Variants in GSAP observed in about 807,000 individuals in gnomAD.
The protein encoded by GSAP is gamma-secretase-activating protein.
In GSAP, 118 loss-of-function variants were observed where a neutral mutation model predicts 131.7. That is an observed-to-expected ratio of 0.90 (90% confidence interval 0.77 to 1.04). The LOEUF is 1.04. Among genes scored for constraint, GSAP ranks in the 50% least tolerant of loss-of-function variants. GSAP has a pLI of 0.00. For missense variants in GSAP, 1,019 were observed against 1,013.2 expected (o/e 1.01, Z -0.08); for synonymous variants, 381 against 363.4 (o/e 1.05, Z -0.55).
intron 1 of GSAP, among the ~76,000 whole-genome samples, chr7:77,413,890 T>C (rs956490414): frequency 6.6e-6 from 1 of 151,954 alleles, no homozygotes; most frequent in Non-Finnish European, 1.5e-5. Context: ...TACAGCTACC[T>C]GTTAAAATAT....
intron 5 of GSAP, among the ~76,000 whole-genome samples, chr7:77,393,863 AG>A (rs1799958644): frequency 6.6e-6 from 1 of 151,844 alleles, no homozygotes; most frequent in South Asian, 2.1e-4. Context: ...TAGTAAAGAC[AG>A]GGTTTCACCA....
At chr7:77,366,657 G>T (rs1320967530) in intron 12 of GSAP, among the ~76,000 whole-genome samples, 1 of 152,202 alleles carries the variant, frequency 6.6e-6, no homozygotes, top group Middle Eastern at 3.4e-3. Context: ...TTTGAAGTTG[G>T]GTAACATGAT....
chr7:77,326,362 C>CT, intron 22 of GSAP, 89 bp from the exon 23 acceptor site: 2 of 857,008 alleles, frequency 2.3e-6, no homozygotes, highest in Non-Finnish European at 3.7e-6. Context: ...TTTCCCTTCT[C>CT]TGAGTCATTG....
intron 26 of GSAP, among the ~76,000 whole-genome samples, chr7:77,316,787 A>G (rs1456570127): frequency 6.6e-6 from 1 of 152,146 alleles, no homozygotes; most frequent in Non-Finnish European, 1.5e-5. Flanking sequence ...TGAGCAACAG[A>G]GCAAATTGGC....
chr7:77,343,279 C>T (rs561523965), intron 19 of GSAP, among the ~76,000 whole-genome samples: 38 of 152,314 alleles, frequency 2.5e-4, no homozygotes, highest in African/African-American at 8.9e-4. Context: ...TTCTTCCTCA[C>T]ACCTGACGCA....
intron 1 of GSAP, among the ~76,000 whole-genome samples, chr7:77,410,523 C>T (rs992828347): frequency 6.6e-6 from 1 of 152,138 alleles, no homozygotes; most frequent in Non-Finnish European, 1.5e-5. Context: ...ATATTCAGTT[C>T]TCATGAATAA....
In GSAP at chr7:77,409,928, G is replaced by C. The variant is rs573767447; in HGVS notation, c.110-3823C>G. ...ACTCTGGCTGTCTTAAAATCATTAAGGGAGCTTTTAAAAGAACACTGATGC... is the reference window on the plus strand; with the variant it reads ...ACTCTGGCTGTCTTAAAATCATTAACGGAGCTTTTAAAAGAACACTGATGC... On this transcript the variant is annotated intron_variant, in intron 1 of 30. Coordinates refer to ENST00000257626, the MANE Select transcript of GSAP (RefSeq NM_017439.4). Among the ~76,000 whole-genome samples the C allele has an allele frequency of 1.5e-3, 229 of 152,236 alleles. 2 individuals carry two copies. The highest frequency in any genetic ancestry group is 5.3e-3 in the African/African-American group (219 of 41,536).
At chr7:77,372,378 ATATT>A (rs1584554158) in intron 12 of GSAP, among the ~76,000 whole-genome samples, 1 of 152,242 alleles carries the variant, frequency 6.6e-6, no homozygotes, top group Non-Finnish European at 1.5e-5. Context: ...ATATACATAC[ATATT>A]TATTTATATA....
intron 1 of GSAP, chr7:77,415,461 A>G (rs1804187503): frequency 6.6e-6 from 1 of 152,252 alleles, no homozygotes. Context: ...CTTCTTTAAA[A>G]CAGATCAGTG....
intron 19 of GSAP, among the ~76,000 whole-genome samples, chr7:77,336,508 CAG>C (rs1379749163): frequency 6.6e-5 from 10 of 151,966 alleles, no homozygotes; most frequent in South Asian, 2.1e-4. Flanking sequence ...TTTTTTGAGA[CAG>C]AGTCTCCCTC....
Position 77,416,195 on chromosome 7 carries a change from G to T in GSAP, c.109+18C>A. On this transcript the variant is annotated intron_variant, in intron 1 of 30. Coordinates refer to ENST00000257626, the MANE Select transcript of GSAP (RefSeq NM_017439.4). ...CCACTCCCCGCCCCCACCCCTCTCCGCAGCGCGCCTCCCGCACCTGCGCCG... is the reference window on the plus strand; with the variant it reads ...CCACTCCCCGCCCCCACCCCTCTCCTCAGCGCGCCTCCCGCACCTGCGCCG... The T allele has an allele frequency of 4.4e-6, 2 of 457,080 alleles. No homozygotes were observed. The highest frequency in any genetic ancestry group is 2.7e-5 in the South Asian group (1 of 37,186). The allele number at this position is 457,080 out of a possible 1,614,324, so 28.3% of individuals were successfully genotyped here.
chr7:77,407,353 A>G (rs1032434232), intron 1 of GSAP, among the ~76,000 whole-genome samples: 18 of 152,110 alleles, frequency 1.2e-4, no homozygotes, highest in Admixed American at 6.5e-5. Flanking sequence ...TATATTGAAG[A>G]TATGTTTTAT....
At chr7:77,359,271 G>A (rs1439747328) in intron 14 of GSAP, among the ~76,000 whole-genome samples, 1 of 152,022 alleles carries the variant, frequency 6.6e-6, no homozygotes, top group East Asian at 1.9e-4. Context: ...TAAGCACAGA[G>A]CTCACTCTTT....
Position 77,313,516 on chromosome 7 carries a change from T to C in GSAP, c.2243A>G (p.Lys748Arg). The C allele has an allele frequency of 1.3e-6, 2 of 1,568,526 alleles. No homozygotes were observed. Among genetic ancestry groups the C allele is most frequent in the Non-Finnish European group, 1.8e-6 (2 of 1,139,708 alleles). Residue 748 changes from lysine (K) to arginine (R), a missense_variant, in exon 28 of 31, where the codon AAA becomes AGA. By Grantham distance (26) the Lys-to-Arg change is conservative (BLOSUM62 2). Coordinates refer to ENST00000257626, the MANE Select transcript of GSAP (RefSeq NM_017439.4). ...AGGAAGCCGCACAATGATACTGAAT[T>C]TCAGTTTTTCATTTTTCTCTGTATT... Reference protein sequence around the residue: ...LDNTEKNEKLKFSIIVRLPPL... With the variant: ...LDNTEKNEKLRFSIIVRLPPL...
intron 18 of GSAP, among the ~76,000 whole-genome samples, chr7:77,351,885 G>A (rs991993568): frequency 2.0e-5 from 3 of 152,158 alleles, no homozygotes; most frequent in Non-Finnish European, 4.4e-5. Context: ...CTGACTCTGG[G>A]GTGGTGTAAC....
chr7:77,410,337 C>T (rs1200585338), intron 1 of GSAP, among the ~76,000 whole-genome samples: 4 of 152,174 alleles, frequency 2.6e-5, no homozygotes, highest in Non-Finnish European at 4.4e-5. Context: ...AAGCCATCGG[C>T]TCTTCCTCCC....
intron 16 of GSAP, among the ~76,000 whole-genome samples, chr7:77,354,153 T>C (rs2150863257): frequency 6.6e-6 from 1 of 152,308 alleles, no homozygotes; most frequent in South Asian, 2.1e-4. Flanking sequence ...CCTCACCTGC[T>C]AGAGGAATGT....
At chr7:77,352,802 C>CA (rs956058705) in intron 18 of GSAP, 142 bp downstream of exon 18, 40 of 520,940 alleles carry the variant, frequency 7.7e-5, no homozygotes, top group South Asian at 2.1e-4. Context: ...ACTTTTCTGC[C>CA]AAAAAAAATT....
chr7:77,394,046 C>T (rs1799983000), intron 5 of GSAP, among the ~76,000 whole-genome samples: 1 of 152,190 alleles, frequency 6.6e-6, no homozygotes, highest in Non-Finnish European at 1.5e-5. Flanking sequence ...CTTCACTTTA[C>T]CAGTCCAAGC....
Sources: gnomAD v4.1 joint callset for allele counts (sites outside exome capture counted in the v4.1 genomes callset) on GRCh38, gnomAD v4.1.1 for gene constraint, MANE v1.5 for transcripts, NCBI Gene and HGNC (gene_info 2026-07-23, HGNC 2026-07-21) for gene names.